Variants in VPS13C observed in about 807,000 individuals in gnomAD.
The protein encoded by VPS13C is intermembrane lipid transfer protein VPS13C.
A neutral mutation model predicts 456.8 loss-of-function variants in VPS13C; 358 were observed. The ratio of observed to expected loss-of-function variants is 0.78; its 90% CI spans 0.72 to 0.86. The LOEUF (loss-of-function observed/expected upper bound fraction) is 0.86, where lower values mean the gene tolerates loss of function less well. VPS13C is among the 40% of genes least tolerant of loss of function. The pLI is 0.00. For synonymous variants in VPS13C, 1,578 were observed against 1,486.7 expected (o/e 1.06, Z -1.41); for missense variants, 4,818 against 4,385.4 (o/e 1.10, Z -2.79).
intron 76 of VPS13C, 29 bp from the exon 77 acceptor site, chr15:61,874,980 A>G (rs1366720033): frequency 4.6e-6 from 7 of 1,510,302 alleles, no homozygotes; most frequent in Non-Finnish European, 6.2e-6. Flanking sequence ...AAATAATCTT[A>G]TTATTTAAAA....
intron 67 of VPS13C, among the ~76,000 whole-genome samples, chr15:61,889,011 G>A (rs559131075): frequency 6.6e-6 from 1 of 152,024 alleles, no homozygotes; most frequent in South Asian, 2.1e-4. Flanking sequence ...TAGACATAAG[G>A]CTGCTCAAAA....
At chr15:62,034,773 C>A (rs1024643109) in intron 4 of VPS13C, among the ~76,000 whole-genome samples, 184 bp downstream of exon 4, 3 of 151,786 alleles carry the variant, frequency 2.0e-5, no homozygotes, top group Non-Finnish European at 4.4e-5. Context: ...ATACTTTATA[C>A]ACAAATGCGG....
chr15:61,955,880 T>A (rs2044977315), intron 37 of VPS13C, among the ~76,000 whole-genome samples: 1 of 152,134 alleles, frequency 6.6e-6, no homozygotes. Flanking sequence ...GGTAGAAATA[T>A]ACATTATTAG....
intron 4 of VPS13C, among the ~76,000 whole-genome samples, chr15:62,034,391 A>G (rs1054493088): frequency 1.6e-4 from 25 of 151,672 alleles, no homozygotes; most frequent in African/African-American, 6.0e-4. Flanking sequence ...TCCCTAAAAC[A>G]TCCAAACTTT....
At position 61,962,547 on chromosome 15, in the gene VPS13C, C is replaced by G; in HGVS notation, c.3436-9G>C. The G allele has an allele frequency of 1.2e-6, 2 of 1,605,336 alleles. No homozygotes were observed. Among genetic ancestry groups the G allele is most frequent in the African/African-American group, 1.3e-5 (1 of 74,866 alleles). ...CCCATTATTGACACAGCCTGAAAAA[C>G]AGAGACTTGAATGTACTCTATCCGG... On this transcript the variant is annotated splice_polypyrimidine_tract_variant and intron_variant, in intron 33 of 84. Transcript: ENST00000644861.
intron 15 of VPS13C, among the ~76,000 whole-genome samples, chr15:62,003,814 G>T (rs1258064871): frequency 6.6e-6 from 1 of 151,474 alleles, no homozygotes; most frequent in Non-Finnish European, 1.5e-5. Flanking sequence ...TTATATGCTG[G>T]ATTACATTTA....
At chr15:61,904,576 A>G (rs1260261874) in intron 66 of VPS13C, among the ~76,000 whole-genome samples, 1 of 152,084 alleles carries the variant, frequency 6.6e-6, no homozygotes, top group Non-Finnish European at 1.5e-5. Flanking sequence ...AGCTACATGG[A>G]AAACAGTATG....
At position 61,882,596 on chromosome 15, in the gene VPS13C, C is replaced by A; in HGVS notation, c.9624G>T (p.Gln3208His). Residue 3208 changes from glutamine to histidine, a missense_variant and splice_region_variant, in exon 69 of 85, where the codon CAG becomes CAT. Gln to His is a conservative substitution (Grantham distance 24). Transcript: ENST00000644861. ...ACTTATTTGAGAATGACAATGTTAC[C>A]TGAAGCCAGTACAACCTGGCCCTTA... ...RSLRARLYWL[Q>H]VDNQLPGAMF... 1 of 1,526,582 alleles carries A rather than the reference C, an allele frequency of 6.6e-7. No individual in the cohort carries two copies. Among genetic ancestry groups the A allele is most frequent in the Non-Finnish European group, 8.8e-7 (1 of 1,141,902 alleles). 94.6% of individuals were successfully genotyped at this position (1,526,582 alleles called of 1,614,324 possible).
chr15:61,909,117 A>G lies in VPS13C; in HGVS notation c.8853T>C (p.Gly2951=). 2 of 1,606,998 alleles carry G rather than the reference A, an allele frequency of 1.2e-6. No individual in the cohort carries two copies. Among genetic ancestry groups the G allele is most frequent in the Non-Finnish European group, 1.7e-6 (2 of 1,177,586 alleles). The change falls in exon 65 of 85, where the codon GGT becomes GGC. Residue 2951 remains glycine (G), a synonymous_variant. Coordinates refer to ENST00000644861, the MANE Select transcript of VPS13C (RefSeq NM_020821.3). ...TLLSLEDLNG[G]ILVDVNTAEH... is the part of the protein sequence containing the mutation. ...CGGCAGTGTTTACATCCACCAAGAT[A>G]CCCCCATTCTATTGTAGAAAAAAAA...
intron 42 of VPS13C, among the ~76,000 whole-genome samples, chr15:61,948,035 T>C (rs985928754): frequency 1.7e-4 from 26 of 152,202 alleles, no homozygotes; most frequent in African/African-American, 5.8e-4. Context: ...AGCCTTCTGA[T>C]TGAAATTGCA....
chr15:62,009,373 A>T (rs1049460795), intron 13 of VPS13C, among the ~76,000 whole-genome samples: 1 of 151,882 alleles, frequency 6.6e-6, no homozygotes, highest in Non-Finnish European at 1.5e-5. Context: ...AAAAAAAAAA[A>T]AGGGGGCAAG....
intron 5 of VPS13C, among the ~76,000 whole-genome samples, chr15:62,029,607 G>A (rs139288512): frequency 6.6e-6 from 1 of 152,166 alleles, no homozygotes; most frequent in East Asian, 1.9e-4. Context: ...TCTTTGATGG[G>A]ACTCAACACT....
chr15:61,894,937 T>G (rs1011555638), intron 66 of VPS13C, among the ~76,000 whole-genome samples: 4 of 152,188 alleles, frequency 2.6e-5, no homozygotes, highest in Non-Finnish European at 5.9e-5. Flanking sequence ...AGAATACACG[T>G]TCTTCTCATC....
chr15:62,060,405 G>C lies in VPS13C; in HGVS notation c.-31C>G. The C allele has an allele frequency of 2.5e-6, 3 of 1,210,822 alleles. No homozygotes were observed. Among genetic ancestry groups the C allele is most frequent in the East Asian group, 2.7e-5 (1 of 36,450 alleles). 75.0% of individuals were successfully genotyped at this position (1,210,822 alleles called of 1,614,324 possible). A position where few individuals can be genotyped will look rare whatever the true frequency, so the allele number is the denominator to read the frequency against. On this transcript the variant is annotated 5_prime_UTR_variant, in exon 1 of 85. Coordinates refer to ENST00000644861, the MANE Select transcript of VPS13C (RefSeq NM_020821.3). ...CGCTGAGGCACAAGGAGAGGGAGGAGCCGGAACCGCCCGGCGCAGCTGAGG... is the reference window on the plus strand; with the variant it reads ...CGCTGAGGCACAAGGAGAGGGAGGACCCGGAACCGCCCGGCGCAGCTGAGG...
rs915406731 is a variant in VPS13C at position 61,858,927 on chromosome 15, C to T, written c.10953-2518G>A. On this transcript the variant is annotated intron_variant, in intron 82 of 84. Coordinates refer to ENST00000644861, the MANE Select transcript of VPS13C (RefSeq NM_020821.3). This position sits in a 1 kb window ranked among gnomAD's most constrained non-coding sequence, Gnocchi z 4.4. ...TCCTTGCCTCTGGACTGATTCTCTT[C>T]CAGTATAACATCCAAACCGCCAAGG... Among the ~76,000 whole-genome samples the T allele has an allele frequency of 1.3e-5, 2 of 152,196 alleles. No homozygotes were observed. The highest frequency in any genetic ancestry group is 4.8e-5 in the African/African-American group (2 of 41,452).
chr15:61,880,105 A>T (rs779066215), intron 73 of VPS13C, among the ~76,000 whole-genome samples: 1 of 152,096 alleles, frequency 6.6e-6, no homozygotes, highest in Non-Finnish European at 1.5e-5. Flanking sequence ...AGAACAACAA[A>T]AGGGAAAAAA....
chr15:61,942,014 G>A lies in VPS13C; in HGVS notation c.5202C>T (p.Val1734=). Residue 1734 remains valine (V), a synonymous_variant, in exon 46 of 85, where the codon GTC becomes GTT. Transcript: ENST00000644861. ...TGGAAGCAGCTCTTTCTGCAGCCTG[G>A]ACTGTGGCTGTACTCAAAGCTTCTT... ...TAKEALSTAT[V]QAAERAASSM... is the part of the protein sequence containing the mutation. 1 of 1,613,546 alleles carries A rather than the reference G, an allele frequency of 6.2e-7. No homozygotes were observed. The highest frequency in any genetic ancestry group is 8.5e-7 in the Non-Finnish European group (1 of 1,179,590).
At chr15:62,025,562 C>A (rs1296656233) in intron 6 of VPS13C, among the ~76,000 whole-genome samples, 1 of 152,092 alleles carries the variant, frequency 6.6e-6, no homozygotes, top group Admixed American at 6.6e-5. Context: ...GTTAAATTCT[C>A]TTCTTACCTG....
chr15:61,987,135 T>A (rs2046080867), intron 18 of VPS13C, among the ~76,000 whole-genome samples: 1 of 151,904 alleles, frequency 6.6e-6, no homozygotes, highest in African/African-American at 2.4e-5. Context: ...AAGCAGCATG[T>A]ACTTTTGAAA....
Sources: allele counts gnomAD v4.1 joint callset (sites outside exome capture counted in the v4.1 genomes callset), GRCh38; gene constraint gnomAD v4.1.1; non-coding constraint Gnocchi (gnomAD v3.1); transcripts MANE v1.5; gene names NCBI Gene and HGNC (gene_info 2026-07-23, HGNC 2026-07-21).